Variants in SLC2A9 observed in about 807,000 individuals in gnomAD.
SLC2A9 encodes solute carrier family 2 member 9.
SLC2A9 carries 39 observed loss-of-function variants against 50.6 expected under a neutral mutation model. That is an observed-to-expected ratio of 0.77 (90% CI 0.60 to 1.01). SLC2A9 has a LOEUF of 1.01. Among genes scored for constraint, SLC2A9 ranks in the 50% least tolerant of loss-of-function variants. SLC2A9 has a pLI of 0.00. For synonymous variants in SLC2A9, 324 were observed against 276.9 expected (o/e 1.17, Z -1.69); for missense variants, 686 against 677.6 (o/e 1.01, Z -0.14).
chr4:9,875,857 T>C (rs958567238), intron 10 of SLC2A9, among the ~76,000 whole-genome samples: 3 of 152,236 alleles, frequency 2.0e-5, no homozygotes, highest in Non-Finnish European at 2.9e-5. Context: ...TACAATGTTA[T>C]TGACTTAACC....
At chr4:9,786,721 T>A (rs1719264490) in intron 3 of SLC2A9, among the ~76,000 whole-genome samples, 1 of 152,176 alleles carries the variant, frequency 6.6e-6, no homozygotes, top group African/African-American at 2.4e-5. Flanking sequence ...TTGTCCAAGG[T>A]CATGGGAAAA....
chr4:9,794,618 T>A (rs1378047202), downstream of SLC2A9, among the ~76,000 whole-genome samples: 1 of 152,190 alleles, frequency 6.6e-6, no homozygotes, highest in Non-Finnish European at 1.5e-5. Flanking sequence ...CACTGTCTTA[T>A]ATAGTAAGAG....
intron 5 of SLC2A9, among the ~76,000 whole-genome samples, chr4:9,973,873 A>C (rs1466320205): frequency 8.7e-5 from 13 of 150,108 alleles, no homozygotes; most frequent in Non-Finnish European, 1.3e-4. Flanking sequence ...AAAAAAAAAA[A>C]CAGAAAACTA....
intron 7 of SLC2A9, among the ~76,000 whole-genome samples, chr4:9,919,505 C>T (rs986023621): frequency 1.3e-5 from 2 of 152,130 alleles, no homozygotes; most frequent in Admixed American, 6.5e-5. Flanking sequence ...CCTCCCTGCC[C>T]GCCTTGGGGG....
At chr4:9,878,936 A>G (rs1734737233) in intron 10 of SLC2A9, 2 of 634,254 alleles carry the variant, frequency 3.2e-6, no homozygotes, top group Non-Finnish European at 3.9e-6. Context: ...GTCAAAATAC[A>G]CACACACATT....
intron 5 of SLC2A9, among the ~76,000 whole-genome samples, chr4:9,971,123 A>C (rs557919762): frequency 6.6e-6 from 1 of 152,338 alleles, no homozygotes; most frequent in African/African-American, 2.4e-5. Context: ...CGATGCTCCC[A>C]GCTGAATAAA....
chr4:9,903,530 T>C (rs951337342), intron 8 of SLC2A9, among the ~76,000 whole-genome samples: 3 of 152,080 alleles, frequency 2.0e-5, no homozygotes, highest in African/African-American at 7.2e-5. Flanking sequence ...AAGATGGCGA[T>C]TATTTACAGT....
intron 3 of SLC2A9, among the ~76,000 whole-genome samples, chr4:9,988,941 G>C (rs1284751665): frequency 2.0e-5 from 3 of 152,206 alleles, no homozygotes; most frequent in Non-Finnish European, 4.4e-5. Context: ...GGAAGACATA[G>C]GGAATTCTAT....
chr4:9,891,573 C>T (rs4697692), intron 8 of SLC2A9, among the ~76,000 whole-genome samples: 37,088 of 152,002 alleles, frequency 0.24, 5,144 homozygotes, highest in Admixed American at 0.36. Context: ...GTTAGGTACT[C>T]GGATTATGTG....
downstream of SLC2A9, among the ~76,000 whole-genome samples, chr4:9,796,515 TTATA>T (rs780196283): frequency 6.6e-6 from 1 of 152,240 alleles, no homozygotes; most frequent in Non-Finnish European, 1.5e-5. Flanking sequence ...ATGAGATTCT[TTATA>T]TAAAGGACTT....
chr4:9,882,169 C>A lies in SLC2A9; in HGVS notation c.1291+5398G>T, dbSNP rs73807609. ...CTAGAAACAAAAGACAAAAGTATTT[C>A]TTTCCACATAGACACAAACAGGACT... is the stretch of plus-strand genomic sequence containing the variant. On this transcript the variant is annotated intron_variant, in intron 10 of 11. Transcript: ENST00000264784. Among the ~76,000 whole-genome samples the A allele has an allele frequency of 5.8e-3, 883 of 152,326 alleles. 9 individuals are homozygous for A. The highest frequency in any genetic ancestry group is 0.02 in the African/African-American group (830 of 41,564).
At chr4:9,865,241 A>G (rs1278968318) in intron 10 of SLC2A9, among the ~76,000 whole-genome samples, 2 of 152,264 alleles carry the variant, frequency 1.3e-5, no homozygotes, top group Non-Finnish European at 2.9e-5. Flanking sequence ...GCTAATGTGC[A>G]GAAGCCAAGA....
At chr4:9,950,741 A>ATATTC (rs1384883333) in intron 5 of SLC2A9, among the ~76,000 whole-genome samples, 3 of 30,576 alleles carry the variant, frequency 9.8e-5, no homozygotes, top group African/African-American at 4.3e-4. Context: ...AAAATACAAA[A>ATATTC]AATTAGCCGG....
At chr4:9,788,862 C>T (rs1225941494) in intron 3 of SLC2A9, among the ~76,000 whole-genome samples, 5 of 152,068 alleles carry the variant, frequency 3.3e-5, no homozygotes, top group Non-Finnish European at 7.4e-5. Context: ...ATTCCCTGTC[C>T]AAGCCTTGGA....
At position 9,808,375 on chromosome 4, in the gene SLC2A9, C is replaced by T. The variant is rs1188990711; in HGVS notation, n.421-9134G>A. Reference sequence around the variant, plus strand: ...CTGGAACTTGAAAGTGCGGGTTCTGCTTTTGGTGTACTCTGCCTGCGTCGG... The same window carrying T: ...CTGGAACTTGAAAGTGCGGGTTCTGTTTTTGGTGTACTCTGCCTGCGTCGG... On this transcript the variant is annotated intron_variant and non_coding_transcript_variant, in intron 3 of 3. Transcript: ENST00000503280. 2.6e-5 allele frequency among the ~76,000 whole-genome samples: 4 copies of T among 152,254 alleles called. No individual in the cohort carries two copies. In the South Asian group the frequency reaches 8.3e-4, roughly 32 times the overall value.
intron 8 of SLC2A9, among the ~76,000 whole-genome samples, chr4:9,898,059 C>T (rs1436006876): frequency 6.6e-6 from 1 of 152,202 alleles, no homozygotes; most frequent in Non-Finnish European, 1.5e-5. Context: ...TCACAGCCCT[C>T]AGGAGAAGTG....
downstream of SLC2A9, among the ~76,000 whole-genome samples, chr4:9,777,522 G>A (rs1386713609): frequency 6.9e-6 from 1 of 145,396 alleles, no homozygotes; most frequent in African/African-American, 2.6e-5. Context: ...TGAAAGTCAG[G>A]GGGACTGGAA....
chr4:9,991,884 C>G (rs1475224586), intron 3 of SLC2A9, among the ~76,000 whole-genome samples: 1 of 152,230 alleles, frequency 6.6e-6, no homozygotes, highest in African/African-American at 2.4e-5. Context: ...TTTGCTGAAG[C>G]CACTCCATCT....
chr4:9,805,416 T>C (rs1290486955), intron 3 of SLC2A9, among the ~76,000 whole-genome samples: 1 of 152,168 alleles, frequency 6.6e-6, no homozygotes, highest in Non-Finnish European at 1.5e-5. Context: ...ATCAAGGAAG[T>C]GTAACCCTGA....
Sources: gnomAD v4.1 joint callset for allele counts (sites outside exome capture counted in the v4.1 genomes callset) on GRCh38, gnomAD v4.1.1 for gene constraint, MANE v1.5 for transcripts, NCBI Gene and HGNC (gene_info 2026-07-23, HGNC 2026-07-21) for gene names.